The following ANKFN1 variants were observed in gnomAD, a reference collection of about 807,000 sequenced individuals.
ANKFN1 encodes the protein ankyrin repeat and fibronectin type-III domain-containing protein 1.
In ANKFN1, 74 loss-of-function variants were observed where a neutral mutation model predicts 108.7. That is an observed-to-expected ratio of 0.68 (90% CI 0.56 to 0.83). The LOEUF (loss-of-function observed/expected upper bound fraction) is 0.83. Ranked by LOEUF, ANKFN1 falls within the 40% of genes least tolerant of loss-of-function variation. ANKFN1 has a pLI of 0.00. For missense variants in ANKFN1, 1,505 were observed against 1,382.3 expected (o/e 1.09, Z -1.41); for synonymous variants, 547 against 516.2 (o/e 1.06, Z -0.81).
At chr17:56,260,854 T>C (rs184240986) in intron 3 of ANKFN1, among the ~76,000 whole-genome samples, 3 of 152,312 alleles carry the variant, frequency 2.0e-5, no homozygotes, top group Admixed American at 6.5e-5. Context: ...GGTGGCTTCC[T>C]AATTTTAATA....
At chr17:56,366,659 C>T (rs1166899458) in intron 6 of ANKFN1, among the ~76,000 whole-genome samples, 1 of 152,158 alleles carries the variant, frequency 6.6e-6, no homozygotes, top group Non-Finnish European at 1.5e-5. Flanking sequence ...CAAATACTAT[C>T]GTGTTATAGC....
chr17:56,362,148 C>T (rs1383687084), intron 6 of ANKFN1, among the ~76,000 whole-genome samples: 2 of 152,176 alleles, frequency 1.3e-5, no homozygotes, highest in African/African-American at 4.8e-5. Context: ...ACATTTATCA[C>T]ATTACCTGGC....
At chr17:56,328,097 T>C (rs1396176903) in intron 4 of ANKFN1, among the ~76,000 whole-genome samples, 1 of 152,180 alleles carries the variant, frequency 6.6e-6, no homozygotes, top group African/African-American at 2.4e-5. Flanking sequence ...TTTTAAAAAA[T>C]ATTGATTAGT....
chr17:56,354,695 CCT>C (rs1168679353), intron 6 of ANKFN1, among the ~76,000 whole-genome samples: 2 of 152,154 alleles, frequency 1.3e-5, no homozygotes, highest in Non-Finnish European at 2.9e-5. Context: ...AATCCCCACC[CCT>C]CAGTCTTCGG....
chr17:56,458,074 C>G (rs755655206), intron 14 of ANKFN1, 95 bp downstream of exon 14: 49 of 1,012,920 alleles, frequency 4.8e-5, no homozygotes, highest in Non-Finnish European at 7.1e-5. Flanking sequence ...AAAGGATGGG[C>G]TCCCTTCTCT....
At chr17:56,389,503 T>C (rs1192392096) in intron 8 of ANKFN1, among the ~76,000 whole-genome samples, 1 of 152,214 alleles carries the variant, frequency 6.6e-6, no homozygotes, top group Non-Finnish European at 1.5e-5. Context: ...TAGGCATGTG[T>C]GTTGGTTTGG....
intron 3 of ANKFN1, among the ~76,000 whole-genome samples, chr17:56,324,555 GTAAGT>G (rs1355672794): frequency 6.6e-6 from 1 of 152,138 alleles, no homozygotes; most frequent in African/African-American, 2.4e-5. Flanking sequence ...TGTAATTCAA[GTAAGT>G]CTGCATTCAA....
intron 9 of ANKFN1, among the ~76,000 whole-genome samples, chr17:56,440,661 C>T (rs1218902855): frequency 2.0e-5 from 3 of 152,146 alleles, no homozygotes; most frequent in African/African-American, 4.8e-5. Flanking sequence ...AGACTGGCCT[C>T]ATGCAAGCCT....
chr17:56,331,181 A>G (rs375519320), intron 4 of ANKFN1, among the ~76,000 whole-genome samples: 3 of 152,306 alleles, frequency 2.0e-5, no homozygotes, highest in Middle Eastern at 3.4e-3. Flanking sequence ...TTCTCAAATC[A>G]TAGTACATTT....
At chr17:56,121,195 C>A (rs919729225) in intron 4 of ANKFN1, among the ~76,000 whole-genome samples, 4 of 151,946 alleles carry the variant, frequency 2.6e-5, no homozygotes, top group African/African-American at 9.7e-5. Flanking sequence ...TTATTCCAAG[C>A]AGCGTGTTCT....
chr17:56,482,627 C>T, intron 18 of ANKFN1, 103 bp downstream of exon 18: 1 of 1,376,890 alleles, frequency 7.3e-7, no homozygotes. Context: ...GTCAATAAAT[C>T]ACATGATGGC....
Position 56,188,579 on chromosome 17 carries a change from G to GTATATATATATATA in ANKFN1, c.-70-24018_-70-24017insATATATATATATAT, listed in dbSNP as rs1220822008. On this transcript the variant is annotated intron_variant, in intron 1 of 20. Coordinates refer to ENST00000682825, the MANE Select transcript of ANKFN1 (RefSeq NM_001370326.1). ...TGTGTGTGTATGTGTGTGTGTGTGTGTGTATATATATATATATATATATAT... is the reference window on the plus strand; with the variant it reads ...TGTGTGTGTATGTGTGTGTGTGTGTGTATATATATATATATGTATATATATATATATATATATAT... Among the ~76,000 whole-genome samples, 163 of 71,358 alleles carry GTATATATATATATA rather than the reference G, an allele frequency of 2.3e-3. 2 individuals are homozygous for GTATATATATATATA. The highest frequency in any genetic ancestry group is 0.011 in the African/African-American group (144 of 13,228). The allele number at this position is 71,358 out of a possible 152,430, so 46.8% of individuals were successfully genotyped here.
Position 56,440,332 on chromosome 17 carries a change from T to G in ANKFN1, c.916T>G (p.Trp306Gly). The G allele has an allele frequency of 6.2e-7, 1 of 1,602,466 alleles. No homozygotes were observed. The highest frequency in any genetic ancestry group is 8.5e-7 in the Non-Finnish European group (1 of 1,170,264). Residue 306 changes from tryptophan (W) to glycine (G), a missense_variant, in exon 9 of 21, where the codon TGG (tryptophan) becomes GGG (glycine). Coordinates refer to ENST00000682825, the MANE Select transcript of ANKFN1 (RefSeq NM_001370326.1). ...AAVVTRYKVE[W>G]SMSEDFSPLA... Reference sequence around the variant, plus strand: ...TGCCCCCCTACTCCCTCCAGTGGAATGGAGTATGTCCGAAGACTTTTCTCC... The same window carrying G: ...TGCCCCCCTACTCCCTCCAGTGGAAGGGAGTATGTCCGAAGACTTTTCTCC...
At chr17:56,206,510 G>A (rs1914549123) in intron 1 of ANKFN1, 2 of 152,188 alleles carry the variant, frequency 1.3e-5, no homozygotes, top group South Asian at 2.1e-4. Context: ...GAACGGCAAA[G>A]AAGACAATGG....
intron 4 of ANKFN1, among the ~76,000 whole-genome samples, chr17:56,120,356 G>A (rs935703919): frequency 6.6e-6 from 1 of 152,124 alleles, no homozygotes; most frequent in Non-Finnish European, 1.5e-5. Flanking sequence ...CTTCGGACTT[G>A]ATCTATGATA....
At chr17:56,384,243 A>G (rs1011231744) in intron 8 of ANKFN1, among the ~76,000 whole-genome samples, 9 of 152,236 alleles carry the variant, frequency 5.9e-5, no homozygotes, top group Admixed American at 4.6e-4. Context: ...GATTATCTCA[A>G]TAGATGCAGA....
At chr17:56,155,027 C>G (rs9915240) in intron 1 of ANKFN1, among the ~76,000 whole-genome samples, 3,729 of 152,206 alleles carry the variant, frequency 0.024, 137 homozygotes, top group African/African-American at 0.085. Context: ...TTATCTAAAG[C>G]CTTCATGCCC....
chr17:56,499,059 C>A lies in ANKFN1; in HGVS notation c.2605C>A (p.Pro869Thr). Residue 869 changes from proline to threonine, a missense_variant, in exon 20 of 21, where the codon CCC (proline) becomes ACC (threonine). Pro to Thr is a conservative substitution (Grantham distance 38). Coordinates refer to ENST00000682825, the MANE Select transcript of ANKFN1 (RefSeq NM_001370326.1). ...SSHIDCLPSP[P>T]PSPEMHRRKT... ...ACATATAGACTGTCTTCCATCCCCA[C>A]CCCCATCCCCAGAGATGCACAGAAG... The A allele has an allele frequency of 2.0e-6, 3 of 1,535,578 alleles. No homozygotes were observed. Among genetic ancestry groups the A allele is most frequent in the African/African-American group, 2.7e-5 (2 of 73,082 alleles).
intron 5 of ANKFN1, 117 bp downstream of exon 5, chr17:56,351,084 A>G (rs1425197183): frequency 9.2e-6 from 9 of 981,912 alleles, no homozygotes; most frequent in Non-Finnish European, 1.4e-5. Flanking sequence ...AATTTTATAA[A>G]TGCTGGAATA....
Sources: gnomAD v4.1 joint callset for allele counts (sites outside exome capture counted in the v4.1 genomes callset) on GRCh38, gnomAD v4.1.1 for gene constraint, MANE v1.5 for transcripts, NCBI Gene and HGNC (gene_info 2026-07-23, HGNC 2026-07-21) for gene names.